AMZ1: variants seen among roughly 807,000 people sequenced by gnomAD.
The protein encoded by AMZ1 is archaemetzincin-1.
In AMZ1, 39 loss-of-function variants were observed where a neutral mutation model predicts 29.9. The observed-to-expected ratio is 1.30, with a 90% CI of 1.01 to 1.70. The LOEUF (loss-of-function observed/expected upper bound fraction) is 1.70. AMZ1 is among the 40% of genes most tolerant of loss of function. The pLI is 0.00. For missense variants in AMZ1, 1,041 were observed against 680.6 expected, an observed-to-expected ratio of 1.53 and a Z score of -5.89; for synonymous variants, 458 against 304.0, an observed-to-expected ratio of 1.51 and a Z score of -5.27.
chr7:2,682,528 C>G (rs1786919976), intron 1 of AMZ1, among the ~76,000 whole-genome samples: 1 of 152,178 alleles, frequency 6.6e-6, no homozygotes, highest in Non-Finnish European at 1.5e-5. Flanking sequence ...CTTGACTGTA[C>G]TCTGTGCTAG....
rs1789058638 is a variant in AMZ1 at position 2,715,328 on chromosome 7, T to C, written c.*2450T>C. 1 of 152,412 alleles carries C rather than the reference T, an allele frequency of 6.6e-6. No individual in the cohort carries two copies. Among genetic ancestry groups the C allele is most frequent in the Admixed American group, 6.5e-5 (1 of 15,286 alleles). 9.4% of individuals were successfully genotyped at this position (152,412 alleles called of 1,614,324 possible). A position where few individuals can be genotyped will look rare whatever the true frequency, so the allele number is the denominator to read the frequency against. On this transcript the variant is annotated 3_prime_UTR_variant, in exon 7 of 7. Coordinates refer to ENST00000683327, the MANE Select transcript of AMZ1 (RefSeq NM_001384743.1). ...CCCACTCGGCGTTCACTGTGGGGATTTGGCTGGTGCACCTGCGAGGTGGCC... is the reference window on the plus strand; with the variant it reads ...CCCACTCGGCGTTCACTGTGGGGATCTGGCTGGTGCACCTGCGAGGTGGCC...
intron 4 of AMZ1, among the ~76,000 whole-genome samples, chr7:2,758,394 G>T (rs1451406042): frequency 2.0e-5 from 3 of 152,210 alleles, no homozygotes; most frequent in Non-Finnish European, 4.4e-5. Flanking sequence ...ATGAAAGAGG[G>T]TGTAAAGGGC....
intron 4 of AMZ1, among the ~76,000 whole-genome samples, chr7:2,745,616 G>A (rs1051475884): frequency 6.6e-5 from 10 of 152,134 alleles, no homozygotes; most frequent in South Asian, 4.1e-4. Flanking sequence ...ATCAACTAAC[G>A]AGCAAAATAG....
Position 2,691,349 on chromosome 7 carries a change from C to T in AMZ1, c.-219+3053C>T, listed in dbSNP as rs79700019. 1.2e-3 allele frequency among the ~76,000 whole-genome samples: 181 copies of T among 147,904 alleles called. 24 individuals carry two copies. The highest frequency in any genetic ancestry group is 4.7e-3 in the African/African-American group (176 of 37,768). On this transcript the variant is annotated intron_variant, in intron 1 of 6. Coordinates refer to ENST00000683327, the MANE Select transcript of AMZ1 (RefSeq NM_001384743.1). ...TCAAGATCCAGGTGAGCTGTGTAAC[C>T]CTGGGCAAGTGGCTTTCCCTCTCTG...
chr7:2,702,596 T>G, intron 2 of AMZ1, 126 bp from the exon 3 acceptor site: 1 of 1,092,342 alleles, frequency 9.2e-7, no homozygotes, highest in Non-Finnish European at 1.3e-6. Flanking sequence ...ACGCTCTGCT[T>G]GCTGTCAGGG....
At chr7:2,723,191 C>A (rs775257450), downstream of AMZ1, among the ~76,000 whole-genome samples, 1 of 152,176 alleles carries the variant, frequency 6.6e-6, no homozygotes, top group Non-Finnish European at 1.5e-5. Flanking sequence ...GAGTGTACAG[C>A]CCACGGTGCC....
chr7:2,722,768 TTCAA>T (rs1434832092), downstream of AMZ1, among the ~76,000 whole-genome samples: 7 of 151,586 alleles, frequency 4.6e-5, no homozygotes, highest in African/African-American at 1.7e-4. Flanking sequence ...AGGCCAAGAG[TTCAA>T]CACCAGCCTG....
At chr7:2,709,396 A>C (rs949397975) in intron 5 of AMZ1, 152 bp downstream of exon 5, 2 of 1,049,560 alleles carry the variant, frequency 1.9e-6, no homozygotes, top group Admixed American at 3.0e-5. Flanking sequence ...ACAGCTATGA[A>C]GCAGCAGGGG....
At chr7:2,681,947 T>TG (rs11394052) in intron 1 of AMZ1, among the ~76,000 whole-genome samples, 152,318 of 152,318 alleles carry the variant, frequency 1, 76,159 homozygotes, top group Non-Finnish European at 1. Context: ...GCTGAGCCCA[T>TG]GGGAGCCCAA....
At chr7:2,721,183 G>C (rs1490832858), downstream of AMZ1, among the ~76,000 whole-genome samples, 1 of 152,340 alleles carries the variant, frequency 6.6e-6, no homozygotes, top group South Asian at 2.1e-4. Context: ...GCCTGTGCCT[G>C]GGAGGGATGG....
At chr7:2,755,975 T>A (rs571143650) in intron 4 of AMZ1, among the ~76,000 whole-genome samples, 15 of 152,348 alleles carry the variant, frequency 9.8e-5, no homozygotes, top group African/African-American at 3.6e-4. Context: ...AAGCTCATTT[T>A]AAAATTTATC....
intron 3 of AMZ1, among the ~76,000 whole-genome samples, chr7:2,706,913 A>G (rs965890473): frequency 6.8e-6 from 1 of 147,648 alleles, no homozygotes; most frequent in Non-Finnish European, 1.5e-5. Context: ...TGAGCCCAGG[A>G]GGTGGAGACT....
intron 1 of AMZ1, among the ~76,000 whole-genome samples, chr7:2,695,012 C>T (rs112221415): frequency 2.6e-5 from 4 of 152,264 alleles, no homozygotes; most frequent in Non-Finnish European, 4.4e-5. Flanking sequence ...TGAACCCGTG[C>T]GTTCACCTGC....
In AMZ1 at chr7:2,716,727, G is replaced by A. The variant is rs189721745; in HGVS notation, c.*3849G>A. ...GCCCTGCCCAAGGCCCACCTGGACA[G>A]GCAAGTCTTCCCTAGTGGGTCAGTC... On this transcript the variant is annotated 3_prime_UTR_variant, in exon 7 of 7. Transcript: ENST00000683327. Among the ~76,000 whole-genome samples the A allele has an allele frequency of 1.3e-5, 2 of 152,354 alleles. No homozygotes were observed. The highest frequency in any genetic ancestry group is 2.9e-5 in the Non-Finnish European group (2 of 68,032).
chr7:2,696,402 G>T (rs948666178), intron 1 of AMZ1, among the ~76,000 whole-genome samples: 25 of 150,798 alleles, frequency 1.7e-4, no homozygotes, highest in Middle Eastern at 3.4e-3. Context: ...GACTACAGGC[G>T]CCCGCCACCA....
intron 4 of AMZ1, among the ~76,000 whole-genome samples, chr7:2,753,391 T>TCCTCCTGCTGTGG (rs59648923): frequency 6.6e-6 from 1 of 151,806 alleles, no homozygotes; most frequent in Non-Finnish European, 1.5e-5. Flanking sequence ...GCTCAAGCCA[T>TCCTCCTGCTGTGG]CCTCCCAAAG....
At chr7:2,702,550 G>A in intron 2 of AMZ1, 172 bp from the exon 3 acceptor site, 1 of 718,948 alleles carries the variant, frequency 1.4e-6, no homozygotes, top group Non-Finnish European at 2.2e-6. Context: ...TTGCCCTTTT[G>A]AAAAAGTCAT....
chr7:2,722,634 G>C (rs1437836618), downstream of AMZ1, among the ~76,000 whole-genome samples: 1 of 152,166 alleles, frequency 6.6e-6, no homozygotes, highest in Admixed American at 6.5e-5. Context: ...TTTGAGATTC[G>C]AGACTGACAG....
At position 2,733,597 on chromosome 7, in the gene AMZ1, C is replaced by A. The variant is rs192420242; in HGVS notation, n.550+23781C>A. 2.2e-5 allele frequency: 20 copies of A among 910,376 alleles called. No individual in the cohort carries two copies. In the African/African-American group the frequency reaches 2.8e-4, roughly 13 times the overall value. 56.4% of individuals were successfully genotyped at this position (910,376 alleles called of 1,614,324 possible). A position where few individuals can be genotyped will look rare whatever the true frequency, so the allele number is the denominator to read the frequency against. On this transcript the variant is annotated intron_variant and non_coding_transcript_variant, in intron 4 of 4. Transcript: ENST00000489665. ...GAACAGGGTAAGAGCAGTGGCATTT[C>A]GCCTCCGTGTGAATGGGAAAGCAAA...
Sources: allele counts gnomAD v4.1 joint callset (sites outside exome capture counted in the v4.1 genomes callset), GRCh38; gene constraint gnomAD v4.1.1; transcripts MANE v1.5; gene names NCBI Gene and HGNC (gene_info 2026-07-23, HGNC 2026-07-21).